The following SLC12A8 variants were observed in gnomAD, a reference collection of about 807,000 sequenced individuals.
The protein encoded by SLC12A8 is cation-chloride cotransporter 9.
In SLC12A8, 69 loss-of-function variants were observed where a neutral mutation model predicts 75.6. The observed-to-expected ratio is 0.91, with a 90% CI of 0.75 to 1.11. The LOEUF is 1.11. Among genes scored for constraint, SLC12A8 ranks in the 50% most tolerant of loss-of-function variants. SLC12A8 has a pLI of 0.00. For missense variants in SLC12A8, 877 were observed against 896.7 expected, an observed-to-expected ratio of 0.98 and a Z score of 0.28; for synonymous variants, 365 against 372.8, an observed-to-expected ratio of 0.98 and a Z score of 0.24.
chr3:125,099,226 A>G (rs1163521007), intron 10 of SLC12A8, among the ~76,000 whole-genome samples: 2 of 152,232 alleles, frequency 1.3e-5, no homozygotes, highest in East Asian at 1.9e-4. Context: ...GGCTAAACAC[A>G]TAAGAATAAA....
rs191492683 is a variant in SLC12A8, at chr3:125,118,886, C to T, written c.825-30G>A. 4.8e-5 allele frequency: 72 copies of T among 1,486,822 alleles called. No individual in the cohort carries two copies. The African/African-American group carries it at 8.3e-4, about 17-fold the overall frequency. 92.1% of individuals were successfully genotyped at this position (1,486,822 alleles called of 1,614,324 possible). On this transcript the variant is annotated intron_variant, in intron 7 of 13. Coordinates refer to ENST00000469902, the MANE Select transcript of SLC12A8 (RefSeq NM_024628.6). ...AAAACCCAAGAGCAGAACAGAGCTG[C>T]CCCCGACTCACCTCACCCAGCCCCA...
In SLC12A8 at chr3:125,108,451, C is replaced by A. The variant is rs535252984; in HGVS notation, c.1060-325G>T. 6.6e-5 allele frequency among the ~76,000 whole-genome samples: 10 copies of A among 152,220 alleles called. No individual in the cohort carries two copies. In the South Asian group the frequency reaches 1.9e-3, roughly 28 times the overall value. On this transcript the variant is annotated intron_variant, in intron 9 of 13. Transcript: ENST00000469902. ...TGATGTGATCTCAGCTCATTGCAAC[C>A]TCCGCCTCTTGGGCTTAAGCCATCC...
intron 5 of SLC12A8, among the ~76,000 whole-genome samples, chr3:125,168,303 T>C (rs1473272114): frequency 1.3e-5 from 2 of 152,146 alleles, no homozygotes; most frequent in African/African-American, 4.8e-5. Context: ...TGTTGATTAA[T>C]TGGTGGAAAG....
intron 5 of SLC12A8, 27 bp from the exon 6 acceptor site, chr3:125,135,809 T>C (rs758927518): frequency 7.3e-7 from 1 of 1,373,840 alleles, no homozygotes; most frequent in Admixed American, 1.9e-5. Context: ...GAGAGCAACG[T>C]AAGCCCAGTG....
chr3:125,098,225 C>T (rs1292161082), intron 10 of SLC12A8, among the ~76,000 whole-genome samples: 1 of 152,070 alleles, frequency 6.6e-6, no homozygotes, highest in African/African-American at 2.4e-5. Context: ...TGCCTTAGTC[C>T]ACACAGAATC....
At chr3:125,153,677 C>G (rs1933985379) in intron 5 of SLC12A8, among the ~76,000 whole-genome samples, 1 of 152,088 alleles carries the variant, frequency 6.6e-6, no homozygotes, top group South Asian at 2.1e-4. Context: ...CTCACTGTCT[C>G]ATCCAGGCTG....
rs778252987 is a variant in SLC12A8 at position 125,092,102 on chromosome 3, C to A, written c.1802G>T (p.Gly601Val). 2 of 1,607,888 alleles carry A rather than the reference C, an allele frequency of 1.2e-6. No individual in the cohort carries two copies. Among genetic ancestry groups the A allele is most frequent in the South Asian group, 2.2e-5 (2 of 90,856 alleles). ...HMCNPWVSLL[G>V]AVGSLLIMFV... The stretch of plus-strand genomic sequence containing the variant: ...TGAGATCAAGATGAAGTTACTCACC[C>A]CCAACAGGGAGACCCAGGGGTTGCA... Residue 601 changes from glycine to valine, a missense_variant and splice_region_variant, in exon 11 of 14, where the codon GGG becomes GTG. Transcript: ENST00000469902.
rs145107229 is a variant in SLC12A8, at chr3:125,105,993, T to C, written c.1705+1488A>G. Among the ~76,000 whole-genome samples, 14 of 152,156 alleles carry C rather than the reference T, an allele frequency of 9.2e-5. No homozygotes were observed. The East Asian group carries it at 2.5e-3, about 27-fold the overall frequency. On this transcript the variant is annotated intron_variant, in intron 10 of 13. Coordinates refer to ENST00000469902, the MANE Select transcript of SLC12A8 (RefSeq NM_024628.6). ...TGCAGTGAGCTGAGATCGCACCAAA[T>C]CCTCATTTACCATAACAGCAACTCA...
At chr3:125,166,627 CG>C (rs1296645547) in intron 5 of SLC12A8, among the ~76,000 whole-genome samples, 1 of 152,136 alleles carries the variant, frequency 6.6e-6, no homozygotes, top group East Asian at 1.9e-4. Flanking sequence ...CCAGGAGACC[CG>C]GGTGCCCTGT....
chr3:125,125,478 G>T (rs1933182390), intron 6 of SLC12A8, among the ~76,000 whole-genome samples: 1 of 152,192 alleles, frequency 6.6e-6, no homozygotes, highest in Non-Finnish European at 1.5e-5. Flanking sequence ...AAAATCGCTT[G>T]AATCTGGGAG....
chr3:125,120,964 G>T lies in SLC12A8; in HGVS notation c.737-278C>A, dbSNP rs76202207. The T allele has an allele frequency of 2.8e-3, 1,905 of 669,442 alleles. 22 individuals carry two copies. The African/African-American group carries it at 0.03, about 10-fold the overall frequency. The allele number at this position is 669,442 out of a possible 1,614,324, so 41.5% of individuals were successfully genotyped here. The stretch of plus-strand genomic sequence containing the variant: ...CTACCGCTCAGCGCAAAGCAACCAG[G>T]GGGGAGGAAAGCGGCTTGCAAGGCA... On this transcript the variant is annotated intron_variant, in intron 6 of 13. Transcript: ENST00000469902.
intron 1 of SLC12A8, among the ~76,000 whole-genome samples, chr3:125,212,024 G>A (rs1404095146): frequency 6.6e-6 from 1 of 152,046 alleles, no homozygotes; most frequent in African/African-American, 2.4e-5. Flanking sequence ...TTGTCCCCTT[G>A]ATCTGTGTGG....
At chr3:125,172,544 A>G (rs1579522490) in intron 5 of SLC12A8, among the ~76,000 whole-genome samples, 1 of 152,108 alleles carries the variant, frequency 6.6e-6, no homozygotes, top group African/African-American at 2.4e-5. Context: ...ACTGAACCTC[A>G]CCAGAGACTC....
intron 8 of SLC12A8, among the ~76,000 whole-genome samples, chr3:125,118,090 G>A (rs1939357476): frequency 6.6e-6 from 1 of 152,268 alleles, no homozygotes; most frequent in African/African-American, 2.4e-5. Context: ...TTGATTCATT[G>A]TGGAAGGTGA....
intron 10 of SLC12A8, among the ~76,000 whole-genome samples, chr3:125,106,359 G>A (rs181043749): frequency 8.4e-6 from 1 of 119,150 alleles, no homozygotes; most frequent in Non-Finnish European, 1.9e-5. Flanking sequence ...GGGGTTTTTT[G>A]TTGTTGTTGT....
intron 10 of SLC12A8, among the ~76,000 whole-genome samples, chr3:125,104,574 G>A (rs1205368848): frequency 6.6e-6 from 1 of 150,466 alleles, no homozygotes; most frequent in Non-Finnish European, 1.5e-5. Context: ...ATTAAAAACT[G>A]GATAATTGTG....
At chr3:125,164,228 G>A (rs969989152) in intron 5 of SLC12A8, among the ~76,000 whole-genome samples, 2 of 152,142 alleles carry the variant, frequency 1.3e-5, no homozygotes, top group Non-Finnish European at 2.9e-5. Flanking sequence ...GTGCCAGGGG[G>A]CACCAGGGAA....
chr3:125,196,400 C>T (rs1935009307), intron 2 of SLC12A8, among the ~76,000 whole-genome samples: 1 of 152,052 alleles, frequency 6.6e-6, no homozygotes, highest in Admixed American at 6.6e-5. Context: ...TATGAATTAC[C>T]AATTCTAAAT....
At chr3:125,089,599 A>C (rs1938537650) in intron 12 of SLC12A8, among the ~76,000 whole-genome samples, 2 of 151,372 alleles carry the variant, frequency 1.3e-5, no homozygotes, top group Non-Finnish European at 2.9e-5. Context: ...CATTATTTTT[A>C]ATACACACGA....
Sources: allele counts gnomAD v4.1 joint callset (sites outside exome capture counted in the v4.1 genomes callset), GRCh38; gene constraint gnomAD v4.1.1; transcripts MANE v1.5; gene names NCBI Gene and HGNC (gene_info 2026-07-23, HGNC 2026-07-21).